MARF1: variants seen among roughly 807,000 people sequenced by gnomAD.
The protein encoded by MARF1 is meiosis regulator and mRNA stability factor 1.
In MARF1, 24 loss-of-function variants were observed where a neutral mutation model predicts 168.2. The observed-to-expected ratio is 0.14, with a 90% CI of 0.10 to 0.20. The LOEUF is 0.20. MARF1 is among the 10% of genes least tolerant of loss of function. MARF1 has a pLI of 1.00. For synonymous variants in MARF1, 868 were observed against 822.4 expected, an observed-to-expected ratio of 1.06 and a Z score of -0.95; for missense variants, 1,744 against 2,143.6, an observed-to-expected ratio of 0.81 and a Z score of 3.68.
chr16:15,632,096 C>T (rs1217770299), intron 5 of MARF1, among the ~76,000 whole-genome samples: 3 of 152,210 alleles, frequency 2.0e-5, no homozygotes, highest in African/African-American at 7.2e-5. Context: ...GTAATCTCAA[C>T]ATTGGTTCTT....
At chr16:15,634,086 G>A (rs1446230970) in intron 4 of MARF1, among the ~76,000 whole-genome samples, 1 of 152,060 alleles carries the variant, frequency 6.6e-6, no homozygotes, top group Non-Finnish European at 1.5e-5. Flanking sequence ...GTAACTTTAA[G>A]CCCACAATAA....
At chr16:15,596,989 T>C in intron 26 of MARF1, 52 bp from the exon 27 acceptor site, 3 of 1,530,856 alleles carry the variant, frequency 2.0e-6, no homozygotes, top group East Asian at 2.3e-5. Flanking sequence ...GTAAGAAGTG[T>C]GGGTTTTCTC....
chr16:15,610,741 GCCCCTTTTT>G (rs1172336773), intron 19 of MARF1, among the ~76,000 whole-genome samples: 1 of 152,156 alleles, frequency 6.6e-6, no homozygotes, highest in African/African-American at 2.4e-5. Context: ...TGCTGATGAT[GCCCCTTTTT>G]CCCCTTAGAG....
rs2034157011 is a variant in MARF1, at chr16:15,617,546, G to A, written c.2721-11C>T. ...AACTTGTGTCCAAACCTAAAAGCAA[G>A]AGAAGAGAGACGCTGACTTAGAAGG... On this transcript the variant is annotated splice_polypyrimidine_tract_variant and intron_variant, in intron 13 of 26. Coordinates refer to ENST00000396368, the MANE Select transcript of MARF1 (RefSeq NM_014647.4). 6.4e-7 allele frequency: 1 copy of A among 1,569,240 alleles called. No individual in the cohort carries two copies. The highest frequency in any genetic ancestry group is 8.7e-7 in the Non-Finnish European group (1 of 1,146,496).
chr16:15,597,076 CAT>C (rs2031789232), intron 26 of MARF1, 139 bp from the exon 27 acceptor site: 3 of 948,840 alleles, frequency 3.2e-6, no homozygotes, highest in Non-Finnish European at 1.5e-6. Flanking sequence ...CCACAGTTTA[CAT>C]ATGAGTTGTG....
At position 15,625,359 on chromosome 16, in the gene MARF1, G is replaced by GT. The variant is rs1567571405; in HGVS notation, c.1953+12dup. The GT allele has an allele frequency of 6.3e-7, 1 of 1,590,156 alleles. No individual in the cohort carries two copies. Among genetic ancestry groups the GT allele is most frequent in the East Asian group, 2.2e-5 (1 of 44,624 alleles). On this transcript the variant is annotated intron_variant, in intron 8 of 26. Transcript: ENST00000396368. ...TACCATAAACTTCAGAAAGCAAGAG[G>GT]TATCAAAATTACCTGTAAACTTTTA...
intron 16 of MARF1, among the ~76,000 whole-genome samples, chr16:15,614,299 G>A (rs1408281823): frequency 2.0e-5 from 3 of 150,912 alleles, no homozygotes; most frequent in African/African-American, 2.4e-5. Flanking sequence ...TTGCTAACAC[G>A]GTGAAACCCT....
chr16:15,633,040 T>C (rs2035349968), intron 5 of MARF1, among the ~76,000 whole-genome samples: 1 of 152,052 alleles, frequency 6.6e-6, no homozygotes, highest in East Asian at 1.9e-4. Flanking sequence ...TTAGGGAGCA[T>C]AACTGAAAGA....
chr16:15,631,117 C>T (rs929553089), intron 6 of MARF1, among the ~76,000 whole-genome samples: 2 of 151,872 alleles, frequency 1.3e-5, no homozygotes, highest in African/African-American at 4.8e-5. Context: ...GCAACAAAAG[C>T]GAAACTCCAT....
intron 23 of MARF1, chr16:15,601,698 C>G (rs529844260): frequency 1.6e-5 from 8 of 500,060 alleles, no homozygotes; most frequent in African/African-American, 1.3e-4. Context: ...CTGCCCTGAC[C>G]GCCCTGACTA....
At chr16:15,602,272 TCCC>T in intron 22 of MARF1, 69 bp from the exon 23 acceptor site, 1 of 1,299,694 alleles carries the variant, frequency 7.7e-7, no homozygotes, top group African/African-American at 1.5e-5. Flanking sequence ...AGTGAAGGCC[TCCC>T]ACTGAGGGAA....
intron 2 of MARF1, among the ~76,000 whole-genome samples, 183 bp from the exon 3 acceptor site, chr16:15,636,525 G>A (rs989960220): frequency 6.6e-6 from 1 of 152,166 alleles, no homozygotes; most frequent in Non-Finnish European, 1.5e-5. Context: ...AGGTCTGCAG[G>A]ACATGAACAC....
intron 25 of MARF1, among the ~76,000 whole-genome samples, chr16:15,599,883 C>G (rs969462676): frequency 6.6e-5 from 10 of 152,210 alleles, no homozygotes; most frequent in African/African-American, 2.2e-4. Context: ...CCTTCCATGT[C>G]TGTTGCTGAA....
At chr16:15,616,793 G>T in intron 15 of MARF1, 2 of 437,496 alleles carry the variant, frequency 4.6e-6, no homozygotes, top group Non-Finnish European at 8.1e-6. Context: ...TAACACAATG[G>T]TATTTGTGTA....
At chr16:15,626,908 G>A (rs2034884390) in intron 7 of MARF1, among the ~76,000 whole-genome samples, 1 of 145,740 alleles carries the variant, frequency 6.9e-6, no homozygotes, top group Non-Finnish European at 1.5e-5. Flanking sequence ...AGGTTGCAGT[G>A]AGCTGAGATG....
At chr16:15,609,260 CAAAA>C (rs1012779597) in intron 20 of MARF1, among the ~76,000 whole-genome samples, 14 of 151,476 alleles carry the variant, frequency 9.2e-5, no homozygotes, top group South Asian at 4.2e-4. Context: ...AACAAACAAA[CAAAA>C]AAAAGAAAAC....
chr16:15,616,063 A>G (rs2034020410), intron 15 of MARF1, 58 bp from the exon 16 acceptor site: 10 of 1,347,112 alleles, frequency 7.4e-6, no homozygotes, highest in Non-Finnish European at 8.9e-6. Flanking sequence ...ACAGAAAAGG[A>G]GGCGCTTGCT....
intron 16 of MARF1, among the ~76,000 whole-genome samples, chr16:15,614,170 A>G (rs1337031751): frequency 6.6e-6 from 1 of 152,124 alleles, no homozygotes; most frequent in African/African-American, 2.4e-5. Context: ...CAAATACCTG[A>G]AAGTACTTTT....
intron 23 of MARF1, chr16:15,601,730 A>C (rs2032454517): frequency 1.8e-6 from 1 of 555,578 alleles, no homozygotes; most frequent in Non-Finnish European, 3.2e-6. Flanking sequence ...GGGGGTCTTG[A>C]CTCTCCCATT....
Sources: gnomAD v4.1 joint callset for allele counts (sites outside exome capture counted in the v4.1 genomes callset) on GRCh38, gnomAD v4.1.1 for gene constraint, MANE v1.5 for transcripts, NCBI Gene and HGNC (gene_info 2026-07-23, HGNC 2026-07-21) for gene names.